Variants in DYM observed in about 807,000 individuals in gnomAD.
DYM encodes dyggve-Melchior-Clausen syndrome protein.
Under a neutral mutation model 93.1 loss-of-function variants are expected in DYM, and 78 were observed. That is an observed-to-expected ratio of 0.84 (90% confidence interval 0.70 to 1.01). DYM has a LOEUF of 1.01. Among genes scored for constraint, DYM ranks in the 50% least tolerant of loss-of-function variants. DYM has a pLI of 0.00. For synonymous variants in DYM, 321 were observed against 319.7 expected (o/e 1.00, Z -0.04); for missense variants, 789 against 845.0 (o/e 0.93, Z 0.82).
At chr18:49,354,847 G>C (rs150061611) in intron 6 of DYM, among the ~76,000 whole-genome samples, 222 of 152,182 alleles carry the variant, frequency 1.5e-3, no homozygotes, top group African/African-American at 4.9e-3. Context: ...AACTGGTACA[G>C]GCATTTTGGA....
At chr18:49,329,400 G>A (rs113057086) in intron 8 of DYM, among the ~76,000 whole-genome samples, 2 of 152,074 alleles carry the variant, frequency 1.3e-5, no homozygotes, top group South Asian at 2.1e-4. Flanking sequence ...AAACCTGCAC[G>A]TTGTGCACAT....
intron 5 of DYM, among the ~76,000 whole-genome samples, chr18:49,369,358 G>T (rs576095019): frequency 6.6e-6 from 1 of 152,302 alleles, no homozygotes; most frequent in Admixed American, 6.5e-5. Flanking sequence ...CTGGGAAGGG[G>T]GGTGGCCTCC....
At chr18:49,105,433 T>A (rs1276125465) in intron 16 of DYM, among the ~76,000 whole-genome samples, 1 of 152,220 alleles carries the variant, frequency 6.6e-6, no homozygotes, top group Non-Finnish European at 1.5e-5. Flanking sequence ...TCTTAGTTAT[T>A]TCTTGCCTTC....
intron 17 of DYM, among the ~76,000 whole-genome samples, chr18:49,092,362 G>A (rs565831477): frequency 4.6e-5 from 7 of 152,274 alleles, no homozygotes; most frequent in Admixed American, 2.6e-4. Context: ...GACAGAGAAG[G>A]TCAAGTCCAG....
intron 1 of DYM, among the ~76,000 whole-genome samples, chr18:49,440,019 A>AATAC (rs1478970000): frequency 1.2e-5 from 1 of 82,892 alleles, no homozygotes; most frequent in African/African-American, 5.4e-5. Flanking sequence ...CCAATAAATA[A>AATAC]ATAAATAAAT....
intron 13 of DYM, among the ~76,000 whole-genome samples, chr18:49,220,310 G>A (rs373356346): frequency 2.7e-5 from 4 of 147,998 alleles, no homozygotes; most frequent in South Asian, 2.2e-4. Context: ...AATCAATATC[G>A]TGAAAATGGC....
chr18:49,138,212 CAAAT>C (rs767493232), intron 15 of DYM, among the ~76,000 whole-genome samples: 1 of 151,998 alleles, frequency 6.6e-6, no homozygotes, highest in Non-Finnish European at 1.5e-5. Context: ...GTCAACAAGA[CAAAT>C]AAAAGAATGA....
At chr18:49,386,513 C>T (rs2068640132) in intron 3 of DYM, among the ~76,000 whole-genome samples, 1 of 152,134 alleles carries the variant, frequency 6.6e-6, no homozygotes, top group African/African-American at 2.4e-5. Context: ...CCAGTCTAAG[C>T]ATGAGAAAGC....
At chr18:49,204,236 G>A (rs987956256) in intron 14 of DYM, among the ~76,000 whole-genome samples, 2 of 152,180 alleles carry the variant, frequency 1.3e-5, no homozygotes, top group African/African-American at 4.8e-5. Flanking sequence ...TATAAAAAGA[G>A]AATATAATGT....
chr18:49,216,213 T>C (rs1213254895), intron 13 of DYM, among the ~76,000 whole-genome samples: 2 of 152,296 alleles, frequency 1.3e-5, no homozygotes, highest in African/African-American at 4.8e-5. Flanking sequence ...GCGCCCGCCA[T>C]TGCCCAGGCT....
intron 15 of DYM, among the ~76,000 whole-genome samples, chr18:49,127,610 G>A (rs1404512092): frequency 6.6e-6 from 1 of 152,146 alleles, no homozygotes. Flanking sequence ...GGGAGTAGGG[G>A]GAGGAAATGC....
At chr18:49,203,338 C>T (rs62102352) in intron 14 of DYM, among the ~76,000 whole-genome samples, 12,712 of 93,538 alleles carry the variant, frequency 0.14, 1,358 homozygotes, top group African/African-American at 0.26. Context: ...CGGCCACCAC[C>T]CCGTCTGGGA....
intron 13 of DYM, among the ~76,000 whole-genome samples, chr18:49,212,109 A>G (rs2092811824): frequency 6.6e-6 from 1 of 152,206 alleles, no homozygotes; most frequent in African/African-American, 2.4e-5. Context: ...ACATTCTACA[A>G]ATAAACAAAA....
chr18:49,256,989 TCTTTTAAAGTTCATATTTACCTGATGATC>T lies in DYM; in HGVS notation c.1452_1460+20del. On this transcript the variant is annotated splice_donor_variant and splice_donor_5th_base_variant and coding_sequence_variant and intron_variant, in exon 13 of 18. Transcript: ENST00000675505. LOFTEE classifies it high-confidence loss of function. Reference sequence around the variant, plus strand: ...GCTCAGCCAGAGGCAAATCAGTATTTCTTTTAAAGTTCATATTTACCTGATGATCCTCTGGGCAGCATACTGATGGAGAG... The same window carrying T: ...GCTCAGCCAGAGGCAAATCAGTATTTCTCTGGGCAGCATACTGATGGAGAG... 1 of 1,590,220 alleles carries T rather than the reference TCTTTTAAAGTTCATATTTACCTGATGATC, an allele frequency of 6.3e-7. No homozygotes were observed. The highest frequency in any genetic ancestry group is 8.6e-7 in the Non-Finnish European group (1 of 1,158,468).
At chr18:49,339,675 C>T (rs1307622716) in intron 6 of DYM, among the ~76,000 whole-genome samples, 4 of 152,202 alleles carry the variant, frequency 2.6e-5, no homozygotes, top group African/African-American at 4.8e-5. Context: ...CCCAGCTTGA[C>T]TACAACTTCA....
chr18:49,411,666 G>A (rs910448829), intron 2 of DYM, among the ~76,000 whole-genome samples: 1 of 152,122 alleles, frequency 6.6e-6, no homozygotes, highest in African/African-American at 2.4e-5. Flanking sequence ...CAGGTTTGCT[G>A]AACAATCAAA....
chr18:49,110,357 T>C (rs2081280203), intron 16 of DYM, among the ~76,000 whole-genome samples: 1 of 152,266 alleles, frequency 6.6e-6, no homozygotes, highest in Non-Finnish European at 1.5e-5. Flanking sequence ...CTATCAGATA[T>C]GATAGTTCTT....
At chr18:49,376,685 C>T (rs752681293) in intron 5 of DYM, among the ~76,000 whole-genome samples, 12 of 152,296 alleles carry the variant, frequency 7.9e-5, no homozygotes, top group Non-Finnish European at 1.8e-4. Context: ...TCGGACCTTA[C>T]AGAAATGAAA....
chr18:49,266,667 G>C (rs1568134465), intron 11 of DYM, among the ~76,000 whole-genome samples: 1 of 152,156 alleles, frequency 6.6e-6, no homozygotes, highest in Non-Finnish European at 1.5e-5. Context: ...AATGTTAATA[G>C]TTCTAATTCT....
Sources: allele counts gnomAD v4.1 joint callset (sites outside exome capture counted in the v4.1 genomes callset), GRCh38; gene constraint gnomAD v4.1.1; transcripts MANE v1.5; gene names NCBI Gene and HGNC (gene_info 2026-07-23, HGNC 2026-07-21).